MTUS1: variants seen among roughly 807,000 people sequenced by gnomAD.
The protein encoded by MTUS1 is microtubule associated scaffold protein 1.
A neutral mutation model predicts 120.8 loss-of-function variants in MTUS1; 109 were observed. That is an observed-to-expected ratio of 0.90 (90% CI 0.77 to 1.06). The LOEUF (loss-of-function observed/expected upper bound fraction) is 1.06, where lower values mean the gene tolerates loss of function less well. Ranked by LOEUF, MTUS1 falls within the 50% of genes least tolerant of loss-of-function variation. MTUS1 has a pLI of 0.00. For missense variants in MTUS1, 2,210 were observed against 1,486.3 expected, an observed-to-expected ratio of 1.49 and a Z score of -8.01; for synonymous variants, 737 against 550.5, an observed-to-expected ratio of 1.34 and a Z score of -4.74.
At chr8:17,662,685 T>A (rs527582033) in intron 8 of MTUS1, among the ~76,000 whole-genome samples, 40 of 152,104 alleles carry the variant, frequency 2.6e-4, no homozygotes, top group African/African-American at 7.7e-4. Flanking sequence ...TTAGTCTATT[T>A]TTTAAAAAAG....
chr8:17,664,788 T>C (rs1472245583), intron 8 of MTUS1, among the ~76,000 whole-genome samples: 2 of 152,182 alleles, frequency 1.3e-5, no homozygotes, highest in Admixed American at 6.5e-5. Flanking sequence ...AGCGACTATG[T>C]AGGTGACCCC....
At chr8:17,773,617 G>A (rs1340440834) in intron 1 of MTUS1, among the ~76,000 whole-genome samples, 1 of 152,178 alleles carries the variant, frequency 6.6e-6, no homozygotes, top group Non-Finnish European at 1.5e-5. Flanking sequence ...CACATAGTGA[G>A]ACAGTAAGAG....
At chr8:17,672,466 C>T (rs180845278) in intron 8 of MTUS1, among the ~76,000 whole-genome samples, 83 of 152,270 alleles carry the variant, frequency 5.5e-4, no homozygotes, top group Admixed American at 4.6e-3. Flanking sequence ...AGCCTAACCA[C>T]TTTACTGCCT....
rs1192843876 is a variant in MTUS1 at position 17,742,288 on chromosome 8, GTTGTTTTTTTTT to G, written c.2287+1304_2287+1315del. 1.5e-4 allele frequency among the ~76,000 whole-genome samples: 10 copies of G among 67,584 alleles called. No homozygotes were observed. In the East Asian group the frequency reaches 2.5e-3, roughly 17 times the overall value. 44.3% of individuals were successfully genotyped at this position (67,584 alleles called of 152,430 possible). A position where few individuals can be genotyped will look rare whatever the true frequency, so the allele number is the denominator to read the frequency against. On this transcript the variant is annotated intron_variant, in intron 3 of 14. Transcript: ENST00000693296. ...CCAGCTGTTTTTTTTTTTTGTTGTT[GTTGTTTTTTTTT>G]TTTTTTTTTTTAGAGATAGTGTCTT...
At chr8:17,683,110 A>C (rs1814947952) in intron 7 of MTUS1, among the ~76,000 whole-genome samples, 1 of 152,118 alleles carries the variant, frequency 6.6e-6, no homozygotes, top group Non-Finnish European at 1.5e-5. Flanking sequence ...GTCTCTACTA[A>C]AAATACAAAA....
chr8:17,672,094 T>C (rs1337623448), intron 8 of MTUS1, among the ~76,000 whole-genome samples: 2 of 152,186 alleles, frequency 1.3e-5, no homozygotes, highest in East Asian at 3.9e-4. Flanking sequence ...AATACTCTGA[T>C]GAGGTCTCAT....
chr8:17,743,813 A>G lies in MTUS1; in HGVS notation c.2092-14T>C, dbSNP rs1006459917. The G allele has an allele frequency of 6.2e-7, 1 of 1,607,672 alleles. No individual in the cohort carries two copies. The highest frequency in any genetic ancestry group is 1.3e-5 in the African/African-American group (1 of 74,564). ...TGAAGCAGAGCCCTGTGAAAATAACAGTTAAGACTGTAAACCAAAACTAAA... is the reference window on the plus strand; with the variant it reads ...TGAAGCAGAGCCCTGTGAAAATAACGGTTAAGACTGTAAACCAAAACTAAA... On this transcript the variant is annotated splice_polypyrimidine_tract_variant and intron_variant, in intron 2 of 14. Transcript: ENST00000693296.
intron 3 of MTUS1, 118 bp downstream of exon 3, chr8:17,743,486 G>C (rs1323032865): frequency 1.1e-6 from 1 of 936,062 alleles, no homozygotes; most frequent in African/African-American, 1.7e-5. Flanking sequence ...CCTGTGCTCA[G>C]GATGCTGATC....
At chr8:17,797,438 A>C (rs573339586) in intron 1 of MTUS1, among the ~76,000 whole-genome samples, 3 of 54,508 alleles carry the variant, frequency 5.5e-5, no homozygotes, top group Non-Finnish European at 1.3e-4. Flanking sequence ...ATAAAATAAA[A>C]TAAAAAGTTA....
chr8:17,730,742 G>T (rs944628972), intron 3 of MTUS1, among the ~76,000 whole-genome samples: 2 of 152,196 alleles, frequency 1.3e-5, no homozygotes, highest in Non-Finnish European at 2.9e-5. Context: ...AATAATGTAT[G>T]ATTCTCTTTC....
intron 2 of MTUS1, among the ~76,000 whole-genome samples, chr8:17,745,770 C>T (rs1012315110): frequency 8.5e-5 from 13 of 152,154 alleles, no homozygotes; most frequent in South Asian, 4.1e-4. Context: ...TCTACCTGTC[C>T]GGTTATTCCT....
Position 17,715,773 on chromosome 8 carries a change from G to C in MTUS1, c.2578C>G (p.Pro860Ala). ...ACCACAATGAGGACTGTACCTTTTG[G>C]AGGAGTTTTCATCAAGTGAACATGA... is the stretch of plus-strand genomic sequence containing the variant. ...RAHVHLMKTP[P>A]KGPSRKNLFT... Residue 860 changes from proline (P) to alanine (A), a missense_variant, in exon 5 of 15, where the codon CCA (proline) becomes GCA (alanine). Pro to Ala is a conservative substitution (Grantham distance 27). Coordinates refer to ENST00000693296, the MANE Select transcript of MTUS1 (RefSeq NM_001363059.2). 1 of 1,611,988 alleles carries C rather than the reference G, an allele frequency of 6.2e-7. No individual in the cohort carries two copies. The highest frequency in any genetic ancestry group is 8.5e-7 in the Non-Finnish European group (1 of 1,179,524).
intron 7 of MTUS1, among the ~76,000 whole-genome samples, chr8:17,680,154 C>A (rs1254467872): frequency 6.6e-6 from 1 of 151,944 alleles, no homozygotes; most frequent in Non-Finnish European, 1.5e-5. Context: ...ATCTAGAAGG[C>A]CAGGAAATCA....
rs984350966 is a variant in MTUS1 at position 17,796,844 on chromosome 8, C to T, written c.-155+4217G>A. Among the ~76,000 whole-genome samples, 5 of 152,032 alleles carry T rather than the reference C, an allele frequency of 3.3e-5. No individual in the cohort carries two copies. In the South Asian group the frequency reaches 8.3e-4, roughly 25 times the overall value. ...GGCCGGACTTTTAGGCCAGACACAG[C>T]GGCTCACGCTTGTAATCCCAGCATT... On this transcript the variant is annotated intron_variant, in intron 1 of 14. Coordinates refer to ENST00000693296, the MANE Select transcript of MTUS1 (RefSeq NM_001363059.2).
Position 17,753,981 on chromosome 8 carries a change from T to C in MTUS1, c.1827A>G (p.Lys609=), listed in dbSNP as rs906984097. The C allele has an allele frequency of 2.5e-6, 4 of 1,614,230 alleles. No homozygotes were observed. ...CTTTGTCAACATCTTCCTGATTCGA[T>C]TTCACGGCAGATGTTGTTCTTGGAA... ...HRVPRTTSAV[K]SNQEDVDKAS... is the part of the protein sequence containing the mutation. Residue 609 remains lysine, a synonymous_variant, in exon 2 of 15, where the codon AAA becomes AAG. Coordinates refer to ENST00000693296, the MANE Select transcript of MTUS1 (RefSeq NM_001363059.2).
At chr8:17,672,090 C>A (rs551996698) in intron 8 of MTUS1, among the ~76,000 whole-genome samples, 1 of 152,282 alleles carries the variant, frequency 6.6e-6, no homozygotes, top group Admixed American at 6.5e-5. Context: ...GGAGAATACT[C>A]TGATGAGGTC....
intron 12 of MTUS1, among the ~76,000 whole-genome samples, chr8:17,650,713 C>T (rs1806796554): frequency 6.6e-6 from 1 of 152,144 alleles, no homozygotes; most frequent in Admixed American, 6.5e-5. Context: ...GTCTCAAAAA[C>T]ACAAAACTCT....
At chr8:17,695,129 C>T (rs987233393) in intron 6 of MTUS1, among the ~76,000 whole-genome samples, 5 of 152,172 alleles carry the variant, frequency 3.3e-5, no homozygotes, top group South Asian at 4.1e-4. Flanking sequence ...ACCCACTTGA[C>T]GGACGATTTC....
At chr8:17,672,893 C>A (rs1812308937) in intron 8 of MTUS1, among the ~76,000 whole-genome samples, 1 of 152,172 alleles carries the variant, frequency 6.6e-6, no homozygotes, top group Non-Finnish European at 1.5e-5. Flanking sequence ...AATCCCTGGG[C>A]CCCAACTGCG....
Sources: allele counts gnomAD v4.1 joint callset (sites outside exome capture counted in the v4.1 genomes callset), GRCh38; gene constraint gnomAD v4.1.1; transcripts MANE v1.5; gene names NCBI Gene and HGNC (gene_info 2026-07-23, HGNC 2026-07-21).